Variants in TANC2 observed in about 807,000 individuals in gnomAD.
The protein encoded by TANC2 is tetratricopeptide repeat, ankyrin repeat and coiled-coil containing 2.
TANC2 carries 26 observed loss-of-function variants against 210.5 expected under a neutral mutation model. The ratio of observed to expected loss-of-function variants is 0.12; its 90% confidence interval spans 0.09 to 0.17. The LOEUF is 0.17. Ranked by LOEUF, TANC2 falls within the 10% of genes least tolerant of loss-of-function variation. The pLI is 1.00. For missense variants in TANC2, 2,129 were observed against 2,608.9 expected, an observed-to-expected ratio of 0.82 and a Z score of 4.01; for synonymous variants, 931 against 967.1, an observed-to-expected ratio of 0.96 and a Z score of 0.69.
rs768428829 is a variant in TANC2 at position 63,379,873 on chromosome 17, T to C, written c.2691+47T>C. 4.1e-6 allele frequency: 6 copies of C among 1,464,610 alleles called. No homozygotes were observed. The East Asian group carries it at 1.4e-4, about 34-fold the overall frequency. The allele number at this position is 1,464,610 out of a possible 1,614,324, so 90.7% of individuals were successfully genotyped here. ...ATTTTTCCGCCATCTCTAGCAGACT[T>C]TCATATGCTTTATGTAAGAGACTAT... On this transcript the variant is annotated intron_variant, in intron 15 of 27. Transcript: ENST00000689528.
intron 2 of TANC2, among the ~76,000 whole-genome samples, chr17:63,058,856 G>A (rs912716807): frequency 6.6e-6 from 1 of 152,072 alleles, no homozygotes; most frequent in Non-Finnish European, 1.5e-5. Flanking sequence ...AGTATAGTTT[G>A]AAGTCAGGTA....
At chr17:63,083,722 TTATGGATCTGATCA>T (rs1348887886) in intron 3 of TANC2, among the ~76,000 whole-genome samples, 1 of 152,216 alleles carries the variant, frequency 6.6e-6, no homozygotes, top group Non-Finnish European at 1.5e-5. Flanking sequence ...CAAATGCTTT[TTATGGATCTGATCA>T]TATGGATATG....
chr17:63,273,231 A>G (rs2043769091), intron 9 of TANC2, among the ~76,000 whole-genome samples: 1 of 152,154 alleles, frequency 6.6e-6, no homozygotes, highest in African/African-American at 2.4e-5. Flanking sequence ...AGCTACAGTG[A>G]GCCATGAGCC....
intron 1 of TANC2, among the ~76,000 whole-genome samples, chr17:62,973,417 G>A (rs1053063083): frequency 1.3e-5 from 2 of 152,008 alleles, no homozygotes; most frequent in Admixed American, 6.5e-5. Context: ...CATCTTTTCA[G>A]CATCAGTATA....
At chr17:63,260,776 A>C (rs923906328) in intron 8 of TANC2, among the ~76,000 whole-genome samples, 1 of 151,944 alleles carries the variant, frequency 6.6e-6, no homozygotes, top group East Asian at 1.9e-4. Context: ...AAAAAAAAAA[A>C]TTTCTTTTGC....
chr17:63,125,546 A>T (rs946926352), intron 4 of TANC2, among the ~76,000 whole-genome samples: 4 of 152,198 alleles, frequency 2.6e-5, no homozygotes, highest in Non-Finnish European at 5.9e-5. Context: ...TTTAGAAAAC[A>T]TCTTGCTGTC....
At chr17:62,996,715 T>C (rs2033125067) in intron 1 of TANC2, among the ~76,000 whole-genome samples, 1 of 152,156 alleles carries the variant, frequency 6.6e-6, no homozygotes, top group African/African-American at 2.4e-5. Context: ...TCTTCCATTC[T>C]TCTCTATTTC....
intron 14 of TANC2, among the ~76,000 whole-genome samples, chr17:63,362,758 G>A (rs1334795750): frequency 6.6e-6 from 1 of 152,210 alleles, no homozygotes; most frequent in African/African-American, 2.4e-5. Context: ...GAGAGGCCAA[G>A]TAGAGCTGGC....
At chr17:63,249,069 A>G (rs1235334912) in intron 8 of TANC2, among the ~76,000 whole-genome samples, 1 of 152,158 alleles carries the variant, frequency 6.6e-6, no homozygotes, top group African/African-American at 2.4e-5. Flanking sequence ...GTTAAAATAG[A>G]TAAAACAATT....
At chr17:63,256,537 C>A (rs1483541106) in intron 8 of TANC2, among the ~76,000 whole-genome samples, 4 of 152,082 alleles carry the variant, frequency 2.6e-5, no homozygotes, top group African/African-American at 9.7e-5. Context: ...TGAGAATGAT[C>A]CATGTGCTGA....
intron 3 of TANC2, among the ~76,000 whole-genome samples, chr17:63,079,256 G>T (rs1216334975): frequency 2.6e-5 from 4 of 152,166 alleles, no homozygotes; most frequent in Admixed American, 2.6e-4. Context: ...GACTTATTTT[G>T]TATCTCTTTG....
At chr17:63,144,265 A>G (rs6504153) in intron 4 of TANC2, among the ~76,000 whole-genome samples, 36,962 of 152,058 alleles carry the variant, frequency 0.24, 4,558 homozygotes, top group South Asian at 0.31. Flanking sequence ...TTTCATTTCT[A>G]CAGTTGTTCA....
chr17:63,426,203 A>G (rs570719883), exon 28 of TANC2: 1 of 152,344 alleles, frequency 6.6e-6, no homozygotes, highest in Admixed American at 6.5e-5. Flanking sequence ...CTGCTCGCTC[A>G]CTGGGAGGTG....
chr17:63,321,293 A>G (rs769247624), intron 11 of TANC2, among the ~76,000 whole-genome samples: 42 of 152,074 alleles, frequency 2.8e-4, no homozygotes, highest in Non-Finnish European at 5.4e-4. Context: ...TTTTTAATCC[A>G]CCTTTGAGAG....
At chr17:63,299,930 T>G (rs559840813) in intron 9 of TANC2, among the ~76,000 whole-genome samples, 1 of 152,330 alleles carries the variant, frequency 6.6e-6, no homozygotes, top group South Asian at 2.1e-4. Context: ...TACATTTAGG[T>G]CTTTAATCCA....
intron 8 of TANC2, among the ~76,000 whole-genome samples, chr17:63,255,177 T>C (rs1212289912): frequency 6.6e-6 from 1 of 152,004 alleles, no homozygotes; most frequent in Admixed American, 6.6e-5. Flanking sequence ...CTATCTCGGC[T>C]CACTGCAAGC....
chr17:63,279,441 C>A (rs958857755), intron 9 of TANC2, among the ~76,000 whole-genome samples: 1 of 151,996 alleles, frequency 6.6e-6, no homozygotes, highest in Non-Finnish European at 1.5e-5. Flanking sequence ...GTTGTTATGT[C>A]TGAGCATATA....
chr17:63,406,459 A>G (rs1458495184), intron 21 of TANC2, among the ~76,000 whole-genome samples, 182 bp downstream of exon 21: 1 of 152,058 alleles, frequency 6.6e-6, no homozygotes, highest in Admixed American at 6.5e-5. Context: ...GATACTCTCT[A>G]TTTCCTTATG....
At chr17:63,143,698 A>G (rs942321326) in intron 4 of TANC2, among the ~76,000 whole-genome samples, 1 of 152,146 alleles carries the variant, frequency 6.6e-6, no homozygotes, top group African/African-American at 2.4e-5. Context: ...TGTCACTATT[A>G]GTATATAGTT....
Sources: gnomAD v4.1 joint callset for allele counts (sites outside exome capture counted in the v4.1 genomes callset) on GRCh38, gnomAD v4.1.1 for gene constraint, MANE v1.5 for transcripts, NCBI Gene and HGNC (gene_info 2026-07-23, HGNC 2026-07-21) for gene names.